Variants in APBA1 observed in about 807,000 individuals in gnomAD.
The protein encoded by APBA1 is amyloid-beta A4 precursor protein-binding family A member 1.
In APBA1, 55 loss-of-function variants were observed where a neutral mutation model predicts 86.6. The ratio of observed to expected loss-of-function variants is 0.64; its 90% CI spans 0.51 to 0.80. APBA1 has a LOEUF of 0.80. Among genes scored for constraint, APBA1 ranks in the 30% least tolerant of loss-of-function variants. APBA1 has a pLI of 0.00. For missense variants in APBA1, 1,090 were observed against 1,183.0 expected (o/e 0.92, Z 1.15); for synonymous variants, 511 against 493.9 (o/e 1.03, Z -0.46).
At chr9:69,587,567 G>A (rs949981397) in intron 1 of APBA1, among the ~76,000 whole-genome samples, 3 of 152,146 alleles carry the variant, frequency 2.0e-5, no homozygotes, top group African/African-American at 4.8e-5. Flanking sequence ...CTTGCAAGTA[G>A]GTTCGGTATA....
chr9:69,518,746 G>A (rs1023201), intron 1 of APBA1, among the ~76,000 whole-genome samples: 151,370 of 152,232 alleles, frequency 0.99, 75,263 homozygotes, highest in East Asian at 1. Flanking sequence ...TCTTAAATAT[G>A]ATAACAGACA....
intron 1 of APBA1, among the ~76,000 whole-genome samples, chr9:69,554,754 C>G (rs952293842): frequency 3.3e-5 from 5 of 150,498 alleles, no homozygotes; most frequent in African/African-American, 7.3e-5. Context: ...TAAGCACACA[C>G]TTTAAAAATA....
At position 69,603,913 on chromosome 9, in the gene APBA1, A is replaced by G. The variant is rs77568792; in HGVS notation, c.-70+68240T>C. ...GAACGGCCTCTTCAGTCTGCCCCAG[A>G]TTCTAGAGTCTAGAGGAGAGATCAG... is the stretch of plus-strand genomic sequence containing the variant. On this transcript the variant is annotated intron_variant, in intron 1 of 12. Transcript: ENST00000265381. Among the ~76,000 whole-genome samples, 96 of 152,360 alleles carry G rather than the reference A, an allele frequency of 6.3e-4. 7 individuals carry two copies. In the East Asian group the frequency reaches 0.018, roughly 29 times the overall value.
At chr9:69,469,053 G>GA (rs1835325935) in intron 4 of APBA1, among the ~76,000 whole-genome samples, 1 of 151,920 alleles carries the variant, frequency 6.6e-6, no homozygotes, top group Non-Finnish European at 1.5e-5. Context: ...TAGAGATGGG[G>GA]TTTTGCCATG....
chr9:69,569,828 G>GTT (rs113817016), intron 1 of APBA1, among the ~76,000 whole-genome samples: 10 of 150,148 alleles, frequency 6.7e-5, no homozygotes, highest in African/African-American at 2.4e-4. Flanking sequence ...ACTTGCTAGA[G>GTT]TTTTTTTTTT....
Position 69,431,461 on chromosome 9 carries a change from C to G in APBA1, c.2443-63G>C, listed in dbSNP as rs1257970988. 7 of 1,463,760 alleles carry G rather than the reference C, an allele frequency of 4.8e-6. No individual in the cohort carries two copies. The African/African-American group carries it at 9.8e-5, about 20-fold the overall frequency. 90.7% of individuals were successfully genotyped at this position (1,463,760 alleles called of 1,614,324 possible). On this transcript the variant is annotated intron_variant, in intron 12 of 12. Transcript: ENST00000265381. ...CTGGGGGCTGGCTGCGTGGGCACTG[C>G]CCAGGGCTGGCCAGAGAGGCAGTGC...
intron 2 of APBA1, among the ~76,000 whole-genome samples, chr9:69,481,253 G>A (rs1247388365): frequency 1.3e-5 from 2 of 151,858 alleles, no homozygotes; most frequent in African/African-American, 2.4e-5. Context: ...ATCTCCTTAA[G>A]CTGATAAGCA....
At chr9:69,661,523 A>G (rs895527084) in intron 1 of APBA1, among the ~76,000 whole-genome samples, 2 of 152,190 alleles carry the variant, frequency 1.3e-5, no homozygotes, top group African/African-American at 4.8e-5. Context: ...ACTGTATTCC[A>G]GCTCATTCTG....
chr9:69,487,398 CTG>C (rs1349901119), intron 2 of APBA1, among the ~76,000 whole-genome samples: 1 of 152,112 alleles, frequency 6.6e-6, no homozygotes, highest in East Asian at 1.9e-4. Flanking sequence ...ACAGTGGTCA[CTG>C]TCTCAGTTGC....
intron 2 of APBA1, among the ~76,000 whole-genome samples, chr9:69,499,250 G>T (rs972815273): frequency 6.6e-6 from 1 of 152,062 alleles, no homozygotes; most frequent in Admixed American, 6.5e-5. Flanking sequence ...ACAGACTGGG[G>T]CTAACTATCC....
Position 69,431,018 on chromosome 9 carries a change from G to T in APBA1, c.*309C>A. The T allele has an allele frequency of 3.5e-6, 1 of 288,952 alleles. No individual in the cohort carries two copies. The highest frequency in any genetic ancestry group is 5.3e-5 in the Admixed American group (1 of 19,034). The allele number at this position is 288,952 out of a possible 1,614,324, so 17.9% of individuals were successfully genotyped here. A position where few individuals can be genotyped will look rare whatever the true frequency, so the allele number is the denominator to read the frequency against. ...CTGGGAAGGGAGGATTCTCCCTCAA[G>T]CAGTGACAGCCCACCCCCTGGACAC... On this transcript the variant is annotated 3_prime_UTR_variant, in exon 13 of 13. Coordinates refer to ENST00000265381, the MANE Select transcript of APBA1 (RefSeq NM_001163.4).
intron 2 of APBA1, among the ~76,000 whole-genome samples, chr9:69,514,521 G>A (rs908747175): frequency 6.6e-6 from 1 of 150,910 alleles, no homozygotes; most frequent in African/African-American, 2.4e-5. Flanking sequence ...CCTGGGAGGC[G>A]GAGGTTGCAG....
intron 3 of APBA1, chr9:69,474,498 G>C (rs1471984140): frequency 1.3e-5 from 2 of 152,334 alleles, no homozygotes; most frequent in Admixed American, 1.3e-4. Context: ...CTCAAGAAAC[G>C]ATAGTGCTCA....
At chr9:69,630,182 T>C (rs1453806135) in intron 1 of APBA1, among the ~76,000 whole-genome samples, 4 of 151,974 alleles carry the variant, frequency 2.6e-5, no homozygotes, top group Non-Finnish European at 4.4e-5. Context: ...CAGAGCAGAC[T>C]TGAAGGAGGG....
intron 1 of APBA1, among the ~76,000 whole-genome samples, chr9:69,522,485 C>T (rs1001480741): frequency 1.3e-5 from 2 of 152,152 alleles, no homozygotes; most frequent in African/African-American, 4.8e-5. Context: ...TCAACATTCT[C>T]CTGCATCTGA....
intron 1 of APBA1, among the ~76,000 whole-genome samples, chr9:69,532,928 C>A (rs886294922): frequency 6.6e-6 from 1 of 152,186 alleles, no homozygotes; most frequent in African/African-American, 2.4e-5. Context: ...ATACTTCATA[C>A]ATAATTGTGT....
intron 1 of APBA1, among the ~76,000 whole-genome samples, chr9:69,588,066 G>T (rs576271844): frequency 6.6e-6 from 1 of 151,842 alleles, no homozygotes; most frequent in Admixed American, 6.6e-5. Context: ...AAGAAACTGG[G>T]TGGTGGGTGA....
intron 1 of APBA1, among the ~76,000 whole-genome samples, chr9:69,655,233 G>C (rs1365933102): frequency 6.6e-6 from 1 of 152,006 alleles, no homozygotes; most frequent in African/African-American, 2.4e-5. Context: ...AAGAAATAAA[G>C]GGCATCCACA....
At chr9:69,660,236 T>C (rs79146521) in intron 1 of APBA1, among the ~76,000 whole-genome samples, 4,103 of 152,334 alleles carry the variant, frequency 0.027, 215 homozygotes, top group African/African-American at 0.093. Context: ...TAGAGAGATG[T>C]GCATGATTCC....
Sources: allele counts gnomAD v4.1 joint callset (sites outside exome capture counted in the v4.1 genomes callset), GRCh38; gene constraint gnomAD v4.1.1; transcripts MANE v1.5; gene names NCBI Gene and HGNC (gene_info 2026-07-23, HGNC 2026-07-21).